Variants in RNF115 observed in about 807,000 individuals in gnomAD.
The protein encoded by RNF115 is E3 ubiquitin-protein ligase RNF115.
In RNF115, 31 loss-of-function variants were observed where a neutral mutation model predicts 39.2. The ratio of observed to expected loss-of-function variants is 0.79; its 90% CI spans 0.59 to 1.07. RNF115 has a LOEUF of 1.07. RNF115 is among the 50% of genes least tolerant of loss of function. The pLI, the probability that RNF115 is intolerant of heterozygous loss-of-function variation, is 0.00. For synonymous variants in RNF115, 124 were observed against 131.0 expected, an observed-to-expected ratio of 0.95 and a Z score of 0.37; for missense variants, 384 against 381.7, an observed-to-expected ratio of 1.01 and a Z score of -0.05.
chr1:145,767,872 CTG>C (rs1553715249), intron 4 of RNF115, among the ~76,000 whole-genome samples: 1 of 152,230 alleles, frequency 6.6e-6, no homozygotes, highest in African/African-American at 2.4e-5. Context: ...ACTCGGCAGG[CTG>C]AGGCAGGAGA....
intron 4 of RNF115, among the ~76,000 whole-genome samples, chr1:145,769,072 C>T (rs1647518609): frequency 6.6e-6 from 1 of 152,156 alleles, no homozygotes; most frequent in Non-Finnish European, 1.5e-5. Context: ...GAGAAGGCTA[C>T]TTAATTTTAA....
At position 145,746,834 on chromosome 1, in the gene RNF115, C is replaced by T; in HGVS notation, c.*32G>A. 6.2e-7 allele frequency: 1 copy of T among 1,609,438 alleles called. No individual in the cohort carries two copies. The highest frequency in any genetic ancestry group is 1.1e-5 in the South Asian group (1 of 90,282). On this transcript the variant is annotated 3_prime_UTR_variant, in exon 9 of 9. Coordinates refer to ENST00000582693, the MANE Select transcript of RNF115 (RefSeq NM_014455.4). ...ATTTACAGCTATGGTAAGATGATTA[C>T]CACAGCCCTGATTCAGGTGTGGTCT...
chr1:145,761,809 G>A (rs1658518813), intron 4 of RNF115, among the ~76,000 whole-genome samples: 1 of 152,186 alleles, frequency 6.6e-6, no homozygotes, highest in Non-Finnish European at 1.5e-5. Flanking sequence ...CTGACAGCTT[G>A]CACCAATGCG....
intron 7 of RNF115, 137 bp downstream of exon 7, chr1:145,750,270 G>T: frequency 1.5e-6 from 1 of 686,148 alleles, no homozygotes; most frequent in South Asian, 2.0e-5. Flanking sequence ...CCTTAATATA[G>T]GAAGGTATTG....
At chr1:145,764,049 T>G (rs1434795269) in intron 4 of RNF115, among the ~76,000 whole-genome samples, 1 of 152,132 alleles carries the variant, frequency 6.6e-6, no homozygotes, top group Non-Finnish European at 1.5e-5. Flanking sequence ...AAGTGCCTGC[T>G]ATTGCAGGCG....
chr1:145,795,243 G>A (rs1249640205), intron 1 of RNF115, among the ~76,000 whole-genome samples: 1 of 152,114 alleles, frequency 6.6e-6, no homozygotes, highest in Non-Finnish European at 1.5e-5. Flanking sequence ...TGAAGCCACA[G>A]ACCCTCCAGG....
chr1:145,759,332 C>T lies in RNF115; in HGVS notation c.429-6283G>A, dbSNP rs368882841. On this transcript the variant is annotated intron_variant, in intron 4 of 8. Coordinates refer to ENST00000582693, the MANE Select transcript of RNF115 (RefSeq NM_014455.4). ...ACATTTCCACTTGTATAATAAGCAC[C>T]TCAAACTTATTATGTCCCAAACTGA... is the stretch of plus-strand genomic sequence containing the variant. Among the ~76,000 whole-genome samples, 193 of 152,240 alleles carry T rather than the reference C, an allele frequency of 1.3e-3. 4 individuals carry two copies. The South Asian group carries it at 0.039, about 30-fold the overall frequency.
chr1:145,794,216 A>G (rs1382122734), intron 1 of RNF115, among the ~76,000 whole-genome samples: 1 of 152,186 alleles, frequency 6.6e-6, no homozygotes, highest in Non-Finnish European at 1.5e-5. Flanking sequence ...AAAAAGAACC[A>G]TCTTTTTTAA....
chr1:145,775,640 C>T (rs1647848534), intron 3 of RNF115, among the ~76,000 whole-genome samples: 1 of 152,094 alleles, frequency 6.6e-6, no homozygotes, highest in Non-Finnish European at 1.5e-5. Context: ...AGTAATCCTC[C>T]TGCCTCGGCC....
rs1182197292 is a variant in RNF115 at position 145,742,715 on chromosome 1, T to G, written c.*4151A>C. On this transcript the variant is annotated 3_prime_UTR_variant, in exon 9 of 9. Transcript: ENST00000582693. ...ATCTCTATTTACACATATATACATA[T>G]ATAAAAATGTGCAATACAAAGACAT... 2.0e-5 allele frequency: 3 copies of G among 152,210 alleles called. No individual in the cohort carries two copies. The highest frequency in any genetic ancestry group is 4.4e-5 in the Non-Finnish European group (3 of 68,028). 9.4% of individuals were successfully genotyped at this position (152,210 alleles called of 1,614,324 possible). A position where few individuals can be genotyped will look rare whatever the true frequency, so the allele number is the denominator to read the frequency against.
rs1184164250 is a variant in RNF115 at position 145,746,538 on chromosome 1, C to T, written c.*328G>A. On this transcript the variant is annotated 3_prime_UTR_variant, in exon 9 of 9. Transcript: ENST00000582693. ...GGTTGGAGAAGGAGGTGGAAACATCCGTTACAAGGCAACATGACAGACAGC... is the reference window on the plus strand; with the variant it reads ...GGTTGGAGAAGGAGGTGGAAACATCTGTTACAAGGCAACATGACAGACAGC... 3 of 191,554 alleles carry T rather than the reference C, an allele frequency of 1.6e-5. No individual in the cohort carries two copies. The highest frequency in any genetic ancestry group is 3.2e-5 in the Non-Finnish European group (3 of 93,736). The allele number at this position is 191,554 out of a possible 1,614,324, so 11.9% of individuals were successfully genotyped here. A position where few individuals can be genotyped will look rare whatever the true frequency, so the allele number is the denominator to read the frequency against.
At chr1:145,801,027 T>C (rs1240147955) in intron 1 of RNF115, among the ~76,000 whole-genome samples, 1 of 151,916 alleles carries the variant, frequency 6.6e-6, no homozygotes, top group Non-Finnish European at 1.5e-5. Context: ...AAAAATTAGC[T>C]GGGCGTGGTG....
chr1:145,750,330 C>G, intron 7 of RNF115, 77 bp downstream of exon 7: 1 of 1,160,790 alleles, frequency 8.6e-7, no homozygotes. Context: ...ACTTTTTAAA[C>G]TTTTCACCTG....
intron 4 of RNF115, among the ~76,000 whole-genome samples, chr1:145,765,013 G>C (rs996780828): frequency 1.3e-5 from 2 of 152,258 alleles, no homozygotes; most frequent in African/African-American, 4.8e-5. Context: ...AGAGAAATCG[G>C]ATTGTTGTTG....
rs1431564092 is a variant in RNF115, at chr1:145,746,902, G to A, written c.879C>T (p.Ser293=). The A allele has an allele frequency of 1.2e-6, 2 of 1,614,110 alleles. No individual in the cohort carries two copies. Among genetic ancestry groups the A allele is most frequent in the Admixed American group, 1.7e-5 (1 of 60,024 alleles). ...ATCGGTCATGTAGCTGACTGTCATT[G>A]CTAAATCTGTTGCTTGCAGAGGCCT... ...STEASASNRF[S]NDSQLHDRWT... The change falls in exon 9 of 9, where the codon AGC becomes AGT. Residue 293 remains serine (S), a synonymous_variant. Transcript: ENST00000582693.
rs587748828 is a variant in RNF115, at chr1:145,761,908, C to A, written c.429-8859G>T. On this transcript the variant is annotated intron_variant, in intron 4 of 8. Coordinates refer to ENST00000582693, the MANE Select transcript of RNF115 (RefSeq NM_014455.4). ...CGCAAAGCTACAGGGGTGGAGCTGCCCAAGACCACGGGAACCCACCTTTTG... is the reference window on the plus strand; with the variant it reads ...CGCAAAGCTACAGGGGTGGAGCTGCACAAGACCACGGGAACCCACCTTTTG... Among the ~76,000 whole-genome samples, 4 of 152,260 alleles carry A rather than the reference C, an allele frequency of 2.6e-5. No individual in the cohort carries two copies. The South Asian group carries it at 8.3e-4, about 32-fold the overall frequency.
chr1:145,798,778 G>A (rs1454783931), intron 1 of RNF115, among the ~76,000 whole-genome samples: 2 of 152,076 alleles, frequency 1.3e-5, no homozygotes, highest in African/African-American at 2.4e-5. Context: ...ACAATATTAA[G>A]TCTTCCAATC....
At chr1:145,785,942 T>TA (rs1648360149) in intron 2 of RNF115, among the ~76,000 whole-genome samples, 1 of 152,160 alleles carries the variant, frequency 6.6e-6, no homozygotes, top group African/African-American at 2.4e-5. Context: ...CCACATACCA[T>TA]AAAAAACTAC....
intron 3 of RNF115, among the ~76,000 whole-genome samples, chr1:145,780,045 T>G (rs587622254): frequency 1.3e-5 from 2 of 151,618 alleles, no homozygotes; most frequent in Non-Finnish European, 1.5e-5. Flanking sequence ...CTGGCCAACG[T>G]GGTAAAACCC....
Sources: gnomAD v4.1 joint callset for allele counts (sites outside exome capture counted in the v4.1 genomes callset) on GRCh38, gnomAD v4.1.1 for gene constraint, MANE v1.5 for transcripts, NCBI Gene and HGNC (gene_info 2026-07-23, HGNC 2026-07-21) for gene names.